Variants in ZFAND6 observed in about 807,000 individuals in gnomAD.
ZFAND6 encodes zinc finger AN1-type containing 6, also known as AN1-type zinc finger protein 6.
ZFAND6 carries 12 observed loss-of-function variants against 24.5 expected under a neutral mutation model. The ratio of observed to expected loss-of-function variants is 0.49; its 90% CI spans 0.31 to 0.79. ZFAND6 has a LOEUF of 0.79. Among genes scored for constraint, ZFAND6 ranks in the 30% least tolerant of loss-of-function variants. The pLI is 0.04. For synonymous variants in ZFAND6, 92 were observed against 81.5 expected (o/e 1.13, Z -0.69); for missense variants, 207 against 245.9 (o/e 0.84, Z 1.06).
In ZFAND6 at chr15:80,133,395, A is replaced by G. The variant is rs1596322787; in HGVS notation, c.478+2102A>G. On this transcript the variant is annotated intron_variant, in intron 6 of 6. Coordinates refer to ENST00000261749, the MANE Select transcript of ZFAND6 (RefSeq NM_019006.4). The stretch of plus-strand genomic sequence containing the variant: ...TCTTTAGTAGAGATGGGGTTTCACC[A>G]CGTTGGCCAGGCTGCTCTCAAACTC... 2.6e-5 allele frequency among the ~76,000 whole-genome samples: 4 copies of G among 152,068 alleles called. No individual in the cohort carries two copies. In the East Asian group the frequency reaches 7.8e-4, roughly 30 times the overall value.
chr15:80,069,710 G>T (rs2141811942), intron 1 of ZFAND6, among the ~76,000 whole-genome samples: 1 of 152,222 alleles, frequency 6.6e-6, no homozygotes, highest in South Asian at 2.1e-4. Context: ...CCGGGTTCAA[G>T]CAATCCTCCT....
At chr15:80,059,904 C>T (rs1044612035) in intron 1 of ZFAND6, 95 bp downstream of exon 1, 2 of 151,126 alleles carry the variant, frequency 1.3e-5, no homozygotes, top group African/African-American at 4.8e-5. Flanking sequence ...GCGAGGCCCG[C>T]CCCCGGCCCC....
intron 1 of ZFAND6, among the ~76,000 whole-genome samples, chr15:80,092,656 G>A (rs1283425853): frequency 1.3e-5 from 2 of 152,116 alleles, no homozygotes; most frequent in African/African-American, 4.8e-5. Context: ...GGCTGTGCAC[G>A]TAATCAGTGG....
At chr15:80,090,191 C>A (rs2038267320) in intron 1 of ZFAND6, among the ~76,000 whole-genome samples, 1 of 152,174 alleles carries the variant, frequency 6.6e-6, no homozygotes, top group Non-Finnish European at 1.5e-5. Flanking sequence ...AATTTGAAGC[C>A]AGATGTACAT....
chr15:80,121,396 A>G (rs997309062), intron 3 of ZFAND6, among the ~76,000 whole-genome samples: 3 of 152,222 alleles, frequency 2.0e-5, no homozygotes, highest in African/African-American at 2.4e-5. Context: ...TCTTATTTAA[A>G]TATCTCATTT....
At chr15:80,104,068 T>C (rs1263571403) in intron 2 of ZFAND6, among the ~76,000 whole-genome samples, 2 of 152,146 alleles carry the variant, frequency 1.3e-5, no homozygotes, top group African/African-American at 4.8e-5. Context: ...CAGGCTGGTC[T>C]TGAACTCAAG....
chr15:80,121,338 C>T (rs2040136831), intron 3 of ZFAND6, among the ~76,000 whole-genome samples: 1 of 152,128 alleles, frequency 6.6e-6, no homozygotes, highest in African/African-American at 2.4e-5. Flanking sequence ...ACCTAATGTA[C>T]TGAGCATAGA....
chr15:80,128,394 A>G (rs2040461322), intron 5 of ZFAND6, among the ~76,000 whole-genome samples: 1 of 152,232 alleles, frequency 6.6e-6, no homozygotes, highest in Non-Finnish European at 1.5e-5. Context: ...GCAAACGCAT[A>G]CAGGTAGGAA....
At position 80,121,736 on chromosome 15, in the gene ZFAND6, A is replaced by G; in HGVS notation, c.179A>G (p.Glu60Gly). 6.2e-7 allele frequency: 1 copy of G among 1,613,870 alleles called. No homozygotes were observed. The highest frequency in any genetic ancestry group is 8.5e-7 in the Non-Finnish European group (1 of 1,179,846). Residue 60 changes from glutamate to glycine, a missense_variant, in exon 4 of 7, where the codon GAA becomes GGA. Around this residue, in one of 3 missense-constraint regions of ZFAND6, gnomAD observed 133 missense variants for 122.8 expected, o/e 1.08. Transcript: ENST00000261749. The part of the protein sequence containing the change: ...PPATSVSSLS[E>G]SLPVQCTDGS... ...GCAACCTCTGTCAGTAGTCTGTCTG[A>G]ATCTTTACCAGTTCAATGCACAGAT...
At chr15:80,085,971 A>G (rs905792891) in intron 1 of ZFAND6, among the ~76,000 whole-genome samples, 1 of 152,240 alleles carries the variant, frequency 6.6e-6, no homozygotes, top group African/African-American at 2.4e-5. Context: ...ATCTGCACCC[A>G]TACCAGTAGA....
chr15:80,114,284 C>T (rs1234789948), intron 2 of ZFAND6, among the ~76,000 whole-genome samples: 1 of 152,158 alleles, frequency 6.6e-6, no homozygotes, highest in East Asian at 1.9e-4. Flanking sequence ...AATAAAATGG[C>T]AAAGCTGGGA....
At chr15:80,106,580 A>G (rs554168018) in intron 2 of ZFAND6, among the ~76,000 whole-genome samples, 1 of 146,912 alleles carries the variant, frequency 6.8e-6, no homozygotes, top group South Asian at 2.2e-4. Context: ...CAGTATGTTA[A>G]ATTTGTTTTT....
chr15:80,111,440 G>A (rs2039604489), intron 2 of ZFAND6: 1 of 447,806 alleles, frequency 2.2e-6, no homozygotes, highest in African/African-American at 2.0e-5. Context: ...TTCACATCCT[G>A]GGAATACTGT....
chr15:80,099,634 T>TTTTTTC (rs1555431664), intron 2 of ZFAND6, among the ~76,000 whole-genome samples: 1 of 148,598 alleles, frequency 6.7e-6, no homozygotes. Flanking sequence ...TTTTTTTTTT[T>TTTTTTC]CGAGACGGAG....
intron 2 of ZFAND6, among the ~76,000 whole-genome samples, chr15:80,108,055 C>G (rs2039426893): frequency 1.3e-5 from 2 of 152,058 alleles, no homozygotes; most frequent in African/African-American, 4.8e-5. Flanking sequence ...AATGAGAGTG[C>G]TAATAGTACC....
In ZFAND6 at chr15:80,067,642, T is replaced by C. The variant is rs143603766; in HGVS notation, c.-181+7833T>C. Among the ~76,000 whole-genome samples, 22 of 152,294 alleles carry C rather than the reference T, an allele frequency of 1.4e-4. No individual in the cohort carries two copies. In the East Asian group the frequency reaches 4.2e-3, roughly 29 times the overall value. Reference sequence around the variant, plus strand: ...AGTTCCTCATTTGTATTAGTCACATTCTAGGTGCTCACTCAGTGGCCTTAT... The same window carrying C: ...AGTTCCTCATTTGTATTAGTCACATCCTAGGTGCTCACTCAGTGGCCTTAT... On this transcript the variant is annotated intron_variant, in intron 1 of 6. Transcript: ENST00000261749.
At chr15:80,094,472 A>G (rs1325255501) in intron 1 of ZFAND6, among the ~76,000 whole-genome samples, 1 of 125,048 alleles carries the variant, frequency 8.0e-6, no homozygotes, top group Admixed American at 9.0e-5. Flanking sequence ...GCCCACCCCT[A>G]CCCCCTACCC....
chr15:80,131,423 G>C (rs2040597290), intron 6 of ZFAND6, 130 bp downstream of exon 6: 2 of 668,156 alleles, frequency 3.0e-6, no homozygotes, highest in African/African-American at 3.7e-5. Context: ...TTCACCTTCT[G>C]AATTTTCTTA....
At chr15:80,111,939 A>G (rs764910900) in intron 2 of ZFAND6, among the ~76,000 whole-genome samples, 1 of 152,086 alleles carries the variant, frequency 6.6e-6, no homozygotes, top group Non-Finnish European at 1.5e-5. Context: ...AGATCTTCCT[A>G]TTTTTCAACA....
Sources: gnomAD v4.1 joint callset for allele counts (sites outside exome capture counted in the v4.1 genomes callset) on GRCh38, gnomAD v4.1.1 for gene constraint, gnomAD v4.1.1 regional missense constraint, MANE v1.5 for transcripts, NCBI Gene and HGNC (gene_info 2026-07-23, HGNC 2026-07-21) for gene names.